NRN1L: variants seen among roughly 807,000 people sequenced by gnomAD.
NRN1L encodes the protein neuritin-like protein.
A neutral mutation model predicts 8.8 loss-of-function variants in NRN1L; 12 were observed. The observed-to-expected ratio is 1.36, with a 90% CI of 0.87 to 2.20. The LOEUF is 2.20. NRN1L is among the 30% of genes most tolerant of loss of function. The probability of loss-of-function intolerance (pLI) is 0.00; values close to 1 mark genes in which losing one functional copy is unlikely to be tolerated. For synonymous variants in NRN1L, 114 were observed against 99.2 expected, an observed-to-expected ratio of 1.15 and a Z score of -0.88; for missense variants, 266 against 232.4, an observed-to-expected ratio of 1.14 and a Z score of -0.94.
At chr16:67,886,691 T>TACC (rs2058097742), downstream of NRN1L, among the ~76,000 whole-genome samples, 2 of 152,156 alleles carry the variant, frequency 1.3e-5, no homozygotes, top group Non-Finnish European at 1.5e-5. Flanking sequence ...TCCTGGCCCC[T>TACC]GGGGGCCAGG....
chr16:67,886,307 G>T lies in NRN1L; in HGVS notation c.*48G>T. 2.0e-6 allele frequency: 3 copies of T among 1,488,814 alleles called. No homozygotes were observed. The highest frequency in any genetic ancestry group is 1.8e-6 in the Non-Finnish European group (2 of 1,115,066). The allele number at this position is 1,488,814 out of a possible 1,614,324, so 92.2% of individuals were successfully genotyped here. A position where few individuals can be genotyped will look rare whatever the true frequency, so the allele number is the denominator to read the frequency against. On this transcript the variant is annotated 3_prime_UTR_variant, in exon 3 of 3. Transcript: ENST00000339176. Reference sequence around the variant, plus strand: ...CCCGTACCTCCAGCCCTGCTCTGGCGGTGGTTGTCCAGGCTCTGCAGAGCG... The same window carrying T: ...CCCGTACCTCCAGCCCTGCTCTGGCTGTGGTTGTCCAGGCTCTGCAGAGCG...
At position 67,885,503 on chromosome 16, in the gene NRN1L, A is replaced by G. The variant is rs2058091830; in HGVS notation, c.80-219A>G. ...GAAGAGCTGACCTGGGGTACACAAC[A>G]CCCCCTTCCCCTGTACAAATCCCAG... On this transcript the variant is annotated intron_variant, in intron 1 of 2. Coordinates refer to ENST00000339176, the MANE Select transcript of NRN1L (RefSeq NM_198443.2). The G allele has an allele frequency of 5.5e-6, 3 of 541,220 alleles. No individual in the cohort carries two copies. The Admixed American group carries it at 1.1e-4, about 20-fold the overall frequency. The allele number at this position is 541,220 out of a possible 1,614,324, so 33.5% of individuals were successfully genotyped here.
At chr16:67,885,693 T>TCCCCCCCC in intron 1 of NRN1L, 29 bp from the exon 2 acceptor site, 68 of 1,257,176 alleles carry the variant, frequency 5.4e-5, no homozygotes, top group Non-Finnish European at 6.6e-5. Flanking sequence ...TACCATTCCT[T>TCCCCCCCC]CCCCACCCCA....
chr16:67,886,632 G>T (rs1443597309), downstream of NRN1L, among the ~76,000 whole-genome samples: 1 of 152,174 alleles, frequency 6.6e-6, no homozygotes, highest in Non-Finnish European at 1.5e-5. Flanking sequence ...GTTGAGATCG[G>T]GAGGGTGGGG....
At chr16:67,888,684 A>G (rs1235555566), downstream of NRN1L, 1 of 151,978 alleles carries the variant, frequency 6.6e-6, no homozygotes, top group Non-Finnish European at 1.5e-5. Context: ...GACAAGGAGT[A>G]CCTTATTGTT....
downstream of NRN1L, among the ~76,000 whole-genome samples, chr16:67,887,446 A>G (rs2058100031): frequency 7.1e-6 from 1 of 140,276 alleles, no homozygotes; most frequent in African/African-American, 2.7e-5. Context: ...CTAATTTTAT[A>G]TTTTTAGTAG....
At chr16:67,885,695 C>A in intron 1 of NRN1L, 27 bp from the exon 2 acceptor site, 2 of 1,073,548 alleles carry the variant, frequency 1.9e-6, no homozygotes, top group African/African-American at 1.6e-5. Context: ...CCATTCCTTC[C>A]CCACCCCACC....
chr16:67,885,698 A>ACCCCCCCCC, intron 1 of NRN1L, 24 bp from the exon 2 acceptor site: 1 of 680,414 alleles, frequency 1.5e-6, no homozygotes, highest in Non-Finnish European at 2.4e-6. Context: ...TTCCTTCCCC[A>ACCCCCCCCC]CCCCACCCCC....
downstream of NRN1L, among the ~76,000 whole-genome samples, chr16:67,888,153 A>T (rs748279913): frequency 3.9e-5 from 6 of 152,154 alleles, no homozygotes; most frequent in Non-Finnish European, 5.9e-5. Flanking sequence ...CATCCAACCT[A>T]GGGCTGGATA....
chr16:67,886,088 T>TA lies in NRN1L; in HGVS notation c.329dup (p.Asn110LysfsTer63). 6.2e-7 allele frequency: 1 copy of TA among 1,613,536 alleles called. No homozygotes were observed. The highest frequency in any genetic ancestry group is 8.5e-7 in the Non-Finnish European group (1 of 1,179,810). On this transcript the variant is annotated frameshift_variant, in exon 3 of 3. Coordinates refer to ENST00000339176, the MANE Select transcript of NRN1L (RefSeq NM_198443.2). LOFTEE classifies it low-confidence loss of function (END_TRUNC). ...AAGCTCGCCAGGCCCCCCGTCCGAA[T>TA]AACTTGCACACTCTGTGCGGTGCCC...
intron 1 of NRN1L, 24 bp from the exon 2 acceptor site, chr16:67,885,698 A>ACCCCCCCC: frequency 1.5e-6 from 1 of 680,416 alleles, no homozygotes; most frequent in Non-Finnish European, 2.4e-6. Context: ...TTCCTTCCCC[A>ACCCCCCCC]CCCCACCCCC....
At chr16:67,886,578 G>A (rs1037075077), downstream of NRN1L, among the ~76,000 whole-genome samples, 3 of 152,168 alleles carry the variant, frequency 2.0e-5, no homozygotes, top group Admixed American at 2.0e-4. Flanking sequence ...GTGGAGACTG[G>A]AGATCTGCCA....
chr16:67,885,134 G>A (rs2058090007), intron 1 of NRN1L, 152 bp downstream of exon 1: 3 of 651,928 alleles, frequency 4.6e-6, no homozygotes, highest in Non-Finnish European at 8.0e-6. Context: ...GACAGAAAGT[G>A]AGAGGCACAA....
downstream of NRN1L, chr16:67,886,416 C>A: frequency 1.4e-6 from 1 of 711,452 alleles, no homozygotes; most frequent in Non-Finnish European, 2.3e-6. Context: ...GCGGCTGGGG[C>A]CAGGGACTCC....
At position 67,885,246 on chromosome 16, in the gene NRN1L, T is replaced by C. The variant is rs1481817863; in HGVS notation, c.79+264T>C. On this transcript the variant is annotated intron_variant, in intron 1 of 2. Coordinates refer to ENST00000339176, the MANE Select transcript of NRN1L (RefSeq NM_198443.2). ...ACTTATAGACCAGTCGTAGGATCCC[T>C]AAGTCCTCTCTGAGGGTCTGGCCTG... 5.1e-6 allele frequency: 3 copies of C among 583,906 alleles called. No individual in the cohort carries two copies. In the African/African-American group the frequency reaches 5.6e-5, roughly 11 times the overall value. 36.2% of individuals were successfully genotyped at this position (583,906 alleles called of 1,614,324 possible). A position where few individuals can be genotyped will look rare whatever the true frequency, so the allele number is the denominator to read the frequency against.
Position 67,885,834 on chromosome 16 carries a change from C to T in NRN1L, c.192C>T (p.Gly64=), listed in dbSNP as rs768584826. The T allele has an allele frequency of 2.0e-5, 32 of 1,576,844 alleles. No homozygotes were observed. The highest frequency in any genetic ancestry group is 5.5e-5 in the Admixed American group (3 of 54,878). Residue 64 remains glycine (G), a synonymous_variant, in exon 2 of 3, where the codon GGC becomes GGT. Coordinates refer to ENST00000339176, the MANE Select transcript of NRN1L (RefSeq NM_198443.2). ...TGGGGGACAGCATGGGCCGCGGAGG[C>T]GAGCTGGAGACCATCTGCAGGTACC... ...IRLGDSMGRG[G]ELETICRSWN... is the part of the protein sequence containing the mutation.
At position 67,884,932 on chromosome 16, in the gene NRN1L, G is replaced by A. The variant is rs1473339961; in HGVS notation, c.29G>A (p.Cys10Tyr). 1.4e-5 allele frequency: 22 copies of A among 1,607,108 alleles called. No individual in the cohort carries two copies. The highest frequency in any genetic ancestry group is 1.0e-4 in the Admixed American group (6 of 59,968). MMRCCRRRC[C>Y]CRQPPHALRP... ...ATGCGCTGCTGCCGCCGCCGCTGCT[G>A]CTGCCGGCAACCACCCCATGCCCTG... is the stretch of plus-strand genomic sequence containing the variant. Residue 10 changes from cysteine (C) to tyrosine (Y), a missense_variant, in exon 1 of 3, where the codon TGC becomes TAC. Coordinates refer to ENST00000339176, the MANE Select transcript of NRN1L (RefSeq NM_198443.2). The surrounding 1 kb of genome is among the most constrained non-coding windows in gnomAD (Gnocchi z 4.1).
downstream of NRN1L, among the ~76,000 whole-genome samples, chr16:67,887,896 A>C (rs1337212319): frequency 3.9e-5 from 6 of 152,082 alleles, no homozygotes; most frequent in African/African-American, 1.4e-4. Context: ...TTACTTTCTA[A>C]ATTGAAAAAC....
At chr16:67,885,693 T>TCGCC in intron 1 of NRN1L, 29 bp from the exon 2 acceptor site, 3 of 1,257,214 alleles carry the variant, frequency 2.4e-6, no homozygotes, top group African/African-American at 1.5e-5. Flanking sequence ...TACCATTCCT[T>TCGCC]CCCCACCCCA....
Sources: allele counts gnomAD v4.1 joint callset (sites outside exome capture counted in the v4.1 genomes callset), GRCh38; gene constraint gnomAD v4.1.1; non-coding constraint Gnocchi (gnomAD v3.1); transcripts MANE v1.5; gene names NCBI Gene and HGNC (gene_info 2026-07-23, HGNC 2026-07-21).